The following EPN1 variants were observed in gnomAD, a reference collection of about 807,000 sequenced individuals.
The protein encoded by EPN1 is epsin-1.
In EPN1, 25 loss-of-function variants were observed where a neutral mutation model predicts 56.9. That is an observed-to-expected ratio of 0.44 (90% CI 0.32 to 0.61). The LOEUF (loss-of-function observed/expected upper bound fraction) is 0.61, where lower values mean the gene tolerates loss of function less well. Among genes scored for constraint, EPN1 ranks in the 20% least tolerant of loss-of-function variants. The probability of loss-of-function intolerance (pLI) is 0.05; values close to 1 mark genes in which losing one functional copy is unlikely to be tolerated. For missense variants in EPN1, 785 were observed against 823.7 expected, an observed-to-expected ratio of 0.95 and a Z score of 0.58; for synonymous variants, 411 against 361.8, an observed-to-expected ratio of 1.14 and a Z score of -1.54.
chr19:55,689,336 C>G lies in EPN1; in HGVS notation c.643C>G (p.Leu215Val). The change falls in exon 5 of 11, where the codon CTG becomes GTG. Residue 215 changes from leucine (L) to valine (V), a missense_variant. Physicochemically the swap from Leu to Val is conservative, Grantham distance 32. Around this residue, in one of 2 missense-constraint regions of EPN1, gnomAD observed 650 missense variants for 605.0 expected, o/e 1.07. Transcript: ENST00000270460. This position sits in a 1 kb window ranked among gnomAD's most constrained non-coding sequence, Gnocchi z 5.7. ...CCCCGAGGACGACGCCCAGCTCCAG[C>G]TGGCCCTTAGTTTGAGCCGAGAAGA... ...CGPEDDAQLQLALSLSREEHD... is the reference protein window; with the variant it reads ...CGPEDDAQLQVALSLSREEHD... 1 of 1,551,890 alleles carries G rather than the reference C, an allele frequency of 6.4e-7. No homozygotes were observed. Among genetic ancestry groups the G allele is most frequent in the Non-Finnish European group, 8.7e-7 (1 of 1,147,016 alleles).
chr19:55,687,681 C>T (rs1986258677), intron 3 of EPN1, among the ~76,000 whole-genome samples: 1 of 152,118 alleles, frequency 6.6e-6, no homozygotes, highest in Non-Finnish European at 1.5e-5. Context: ...TTCCATCTGC[C>T]CATCCCCTCA....
rs1367875932 is a variant in EPN1 at position 55,701,895 on chromosome 19, G to C, written c.*6539G>C. On this transcript the variant is annotated 3_prime_UTR_variant, in exon 11 of 11. Transcript: ENST00000270460. Reference sequence around the variant, plus strand: ...GTGTCTTTTCTTCCTAGGGCCTGAAGAACCAGTTAGGACCAGGTGTGCTGT... The same window carrying C: ...GTGTCTTTTCTTCCTAGGGCCTGAACAACCAGTTAGGACCAGGTGTGCTGT... The C allele has an allele frequency of 6.6e-6, 1 of 151,358 alleles. No homozygotes were observed. The highest frequency in any genetic ancestry group is 1.5e-5 in the Non-Finnish European group (1 of 67,914). The allele number at this position is 151,358 out of a possible 1,614,324, so 9.4% of individuals were successfully genotyped here.
rs1289303014 is a variant in EPN1, at chr19:55,701,338, A to G, written c.*5982A>G. ...GTGGCGGGCACCTGTAATCCCAGCT[A>G]CTTAGGAGGCTGAGGCAGGAGAATC... On this transcript the variant is annotated 3_prime_UTR_variant, in exon 11 of 11. Transcript: ENST00000270460. The G allele has an allele frequency of 2.0e-5, 3 of 151,746 alleles. No individual in the cohort carries two copies. Among genetic ancestry groups the G allele is most frequent in the Non-Finnish European group, 2.9e-5 (2 of 68,008 alleles). 9.4% of individuals were successfully genotyped at this position (151,746 alleles called of 1,614,324 possible). A position where few individuals can be genotyped will look rare whatever the true frequency, so the allele number is the denominator to read the frequency against.
intron 1 of EPN1, chr19:55,677,701 C>T: frequency 5.8e-6 from 9 of 1,549,434 alleles, no homozygotes; most frequent in South Asian, 2.4e-5. Flanking sequence ...GACGTCTGGT[C>T]TTCTGGCTTC....
rs1475644790 is a variant in EPN1 at position 55,700,568 on chromosome 19, C to G, written c.*5212C>G. 7.0e-6 allele frequency: 1 copy of G among 143,222 alleles called. No homozygotes were observed. Among genetic ancestry groups the G allele is most frequent in the Non-Finnish European group, 1.5e-5 (1 of 68,020 alleles). 8.9% of individuals were successfully genotyped at this position (143,222 alleles called of 1,614,324 possible). Reference sequence around the variant, plus strand: ...AGCCACGGCACCCGGCCCATAATTACAAACTTTCTGAGGGACATCTTGAAG... The same window carrying G: ...AGCCACGGCACCCGGCCCATAATTAGAAACTTTCTGAGGGACATCTTGAAG... On this transcript the variant is annotated 3_prime_UTR_variant, in exon 11 of 11. Coordinates refer to ENST00000270460, the MANE Select transcript of EPN1 (RefSeq NM_001130072.2).
chr19:55,678,954 C>A, intron 2 of EPN1, 99 bp downstream of exon 2: 1 of 770,596 alleles, frequency 1.3e-6, no homozygotes, highest in Admixed American at 2.7e-5. Flanking sequence ...TCCCGGTTCT[C>A]AAGAGGAACT....
rs1986409458 is a variant in EPN1 at position 55,689,722 on chromosome 19, C to G, written c.679-145C>G. On this transcript the variant is annotated intron_variant, in intron 5 of 10. Coordinates refer to ENST00000270460, the MANE Select transcript of EPN1 (RefSeq NM_001130072.2). The surrounding 1 kb of genome is among the most constrained non-coding windows in gnomAD (Gnocchi z 5.7). ...GACCTTTGACCCAGGTGCCCCATCCCCATTTCATACATTGTCCGCATCCCA... is the reference window on the plus strand; with the variant it reads ...GACCTTTGACCCAGGTGCCCCATCCGCATTTCATACATTGTCCGCATCCCA... The G allele has an allele frequency of 1.3e-6, 1 of 783,018 alleles. No individual in the cohort carries two copies. The highest frequency in any genetic ancestry group is 2.1e-6 in the Non-Finnish European group (1 of 466,486). The allele number at this position is 783,018 out of a possible 1,614,324, so 48.5% of individuals were successfully genotyped here.
intron 9 of EPN1, chr19:55,693,423 TC>T (rs1220710477): frequency 6.2e-6 from 1 of 162,072 alleles, no homozygotes; most frequent in African/African-American, 2.4e-5. Flanking sequence ...AGGCTCCCCT[TC>T]CGGGTCGCCA....
At position 55,709,062 on chromosome 19, in the gene EPN1, A is replaced by C. The variant is rs1568589529; in HGVS notation, c.*13706A>C. 3 of 1,552,196 alleles carry C rather than the reference A, an allele frequency of 1.9e-6. No homozygotes were observed. The highest frequency in any genetic ancestry group is 1.4e-5 in the African/African-American group (1 of 70,714). ...TGTGCAGCCTGGGAAAATAGAAATAAAGTTTTTTTTTTTGTTTTTCATTTT... is the reference window on the plus strand; with the variant it reads ...TGTGCAGCCTGGGAAAATAGAAATACAGTTTTTTTTTTTGTTTTTCATTTT... On this transcript the variant is annotated 3_prime_UTR_variant, in exon 11 of 11. Coordinates refer to ENST00000270460, the MANE Select transcript of EPN1 (RefSeq NM_001130072.2).
In EPN1 at chr19:55,691,731, C is replaced by A. The variant is rs754673559; in HGVS notation, c.763-23C>A. 3.1e-5 allele frequency: 50 copies of A among 1,602,998 alleles called. No individual in the cohort carries two copies. Among genetic ancestry groups the A allele is most frequent in the Non-Finnish European group, 3.8e-5 (45 of 1,174,266 alleles). On this transcript the variant is annotated intron_variant, in intron 6 of 10. Coordinates refer to ENST00000270460, the MANE Select transcript of EPN1 (RefSeq NM_001130072.2). This position sits in a 1 kb window ranked among gnomAD's most constrained non-coding sequence, Gnocchi z 5.6. ...GGCTTCCCACCACTTCTTCATGCTC[C>A]TTCTCTTCTCTCTCCCCCACAGTCG...
chr19:55,685,363 G>C, intron 2 of EPN1, 33 bp from the exon 3 acceptor site: 2 of 1,597,706 alleles, frequency 1.3e-6, no homozygotes, highest in Non-Finnish European at 1.7e-6. Flanking sequence ...TGTGCCCGGC[G>C]TGCTGACCGG....
intron 9 of EPN1, among the ~76,000 whole-genome samples, chr19:55,693,761 G>C (rs147186277): frequency 2.5e-3 from 379 of 152,316 alleles, no homozygotes; most frequent in Non-Finnish European, 3.5e-3. Context: ...AAGGCTGGCA[G>C]CTTGCAGGGA....
At position 55,678,875 on chromosome 19, in the gene EPN1, C is replaced by T; in HGVS notation, c.228+20C>T. 3.2e-6 allele frequency: 5 copies of T among 1,562,732 alleles called. No homozygotes were observed. Among genetic ancestry groups the T allele is most frequent in the South Asian group, 1.2e-5 (1 of 85,450 alleles). On this transcript the variant is annotated intron_variant, in intron 2 of 10. Transcript: ENST00000270460. ...TACAAGGTCAGCATCCTGCTCTCCT[C>T]CCCGGGCAGGTGCAGGGGCTCAGGT...
In EPN1 at chr19:55,699,576, G is replaced by T. The variant is rs1987048306; in HGVS notation, c.*4220G>T. On this transcript the variant is annotated 3_prime_UTR_variant, in exon 11 of 11. Coordinates refer to ENST00000270460, the MANE Select transcript of EPN1 (RefSeq NM_001130072.2). ...GTAAAAAAAAATGTTTTATTAGAGT[G>T]CAGCCACGGCTGCTTCTGCACTACA... 1.3e-5 allele frequency: 2 copies of T among 152,176 alleles called. No individual in the cohort carries two copies. The allele number at this position is 152,176 out of a possible 1,614,324, so 9.4% of individuals were successfully genotyped here.
rs1269731856 is a variant in EPN1, at chr19:55,691,341, G to T, written c.763-413G>T. ...CATGGAGCAGGGGCTGGCCAGTCTG[G>T]CTGGAGAAGGCACGGTGGGCAGAGG... On this transcript the variant is annotated intron_variant, in intron 6 of 10. Coordinates refer to ENST00000270460, the MANE Select transcript of EPN1 (RefSeq NM_001130072.2). The surrounding 1 kb of genome is among the most constrained non-coding windows in gnomAD (Gnocchi z 5.6). Among the ~76,000 whole-genome samples the T allele has an allele frequency of 6.6e-6, 1 of 152,122 alleles. No homozygotes were observed. Among genetic ancestry groups the T allele is most frequent in the African/African-American group, 2.4e-5 (1 of 41,424 alleles).
At position 55,675,647 on chromosome 19, in the gene EPN1, T is replaced by C. The variant is rs180941344; in HGVS notation, c.-102+212T>C. On this transcript the variant is annotated intron_variant, in intron 1 of 10. Transcript: ENST00000270460. ...TGTGTCTGTCAGCGTCTGTTTCCTG[T>C]GGGCCTCTGCCTGTGCCTGTTTCAG... 8.9e-4 allele frequency among the ~76,000 whole-genome samples: 136 copies of C among 152,298 alleles called. 1 individual carries two copies. The highest frequency in any genetic ancestry group is 3.2e-3 in the African/African-American group (134 of 41,578).
chr19:55,692,548 G>A (rs1303330128), intron 7 of EPN1, 138 bp from the exon 8 acceptor site: 6 of 567,464 alleles, frequency 1.1e-5, no homozygotes, highest in South Asian at 7.3e-5. Context: ...GTGTGTGTGC[G>A]GGAGGCCGGG....
rs1056041512 is a variant in EPN1 at position 55,703,649 on chromosome 19, G to C, written c.*8293G>C. On this transcript the variant is annotated 3_prime_UTR_variant, in exon 11 of 11. Transcript: ENST00000270460. The stretch of plus-strand genomic sequence containing the variant: ...TGGGATCCTCACTTTTTCGCAGATT[G>C]GTCACTAGCAGGGCGTCTGATGGAA... The C allele has an allele frequency of 6.6e-6, 1 of 152,206 alleles. No homozygotes were observed. Among genetic ancestry groups the C allele is most frequent in the Non-Finnish European group, 1.5e-5 (1 of 68,082 alleles). 9.4% of individuals were successfully genotyped at this position (152,206 alleles called of 1,614,324 possible). A position where few individuals can be genotyped will look rare whatever the true frequency, so the allele number is the denominator to read the frequency against.
intron 1 of EPN1, among the ~76,000 whole-genome samples, 176 bp downstream of exon 1, chr19:55,675,611 T>C (rs1985345051): frequency 6.6e-6 from 1 of 152,182 alleles, no homozygotes; most frequent in Admixed American, 6.5e-5. Flanking sequence ...TGTCTGTCTC[T>C]CTCGTGTCTG....
Sources: gnomAD v4.1 joint callset for allele counts (sites outside exome capture counted in the v4.1 genomes callset) on GRCh38, gnomAD v4.1.1 for gene constraint, gnomAD v4.1.1 regional missense constraint, Gnocchi (gnomAD v3.1) non-coding constraint, MANE v1.5 for transcripts, NCBI Gene and HGNC (gene_info 2026-07-23, HGNC 2026-07-21) for gene names.